The following EEA1 variants were observed in gnomAD, a reference collection of about 807,000 sequenced individuals.
EEA1 encodes early endosome antigen 1.
Under a neutral mutation model 209.2 loss-of-function variants are expected in EEA1, and 111 were observed. The ratio of observed to expected loss-of-function variants is 0.53; its 90% confidence interval spans 0.45 to 0.62. The LOEUF is 0.62. Ranked by LOEUF, EEA1 falls within the 20% of genes least tolerant of loss-of-function variation. EEA1 has a pLI of 0.00. For synonymous variants in EEA1, 536 were observed against 540.6 expected (o/e 0.99, Z 0.12); for missense variants, 1,343 against 1,530.8 (o/e 0.88, Z 2.05).
At chr12:92,908,438 T>C (rs1024796320) in intron 1 of EEA1, among the ~76,000 whole-genome samples, 24 of 152,276 alleles carry the variant, frequency 1.6e-4, no homozygotes, top group African/African-American at 4.8e-4. Context: ...ATGGTAAAAA[T>C]TGTATCTTTT....
At position 92,819,490 on chromosome 12, in the gene EEA1, G is replaced by A. The variant is rs1358148492; in HGVS notation, c.1546C>T (p.Arg516Cys). The change falls in exon 14 of 29, where the codon CGT becomes TGT. Residue 516 changes from arginine to cysteine, a missense_variant. Coordinates refer to ENST00000322349, the MANE Select transcript of EEA1 (RefSeq NM_003566.4). ...EAQNDLEQVL[R>C]QIGDKDQKIQ... ...TTTTGGTCCTTATCGCCAATTTGAC[G>A]TAGAACTTGTTCCAAATCATTCTGT... The A allele has an allele frequency of 6.2e-6, 10 of 1,602,832 alleles. No individual in the cohort carries two copies. The highest frequency in any genetic ancestry group is 7.7e-6 in the Non-Finnish European group (9 of 1,175,462).
chr12:92,821,854 T>G (rs1031888532), intron 13 of EEA1, among the ~76,000 whole-genome samples: 1 of 149,870 alleles, frequency 6.7e-6, no homozygotes, highest in African/African-American at 2.4e-5. Context: ...TATAATTAAT[T>G]AGAACCATGT....
At position 92,852,210 on chromosome 12, in the gene EEA1, C is replaced by T; in HGVS notation, c.607G>A (p.Glu203Lys). 3 of 1,592,578 alleles carry T rather than the reference C, an allele frequency of 1.9e-6. No individual in the cohort carries two copies. The highest frequency in any genetic ancestry group is 2.3e-5 in the South Asian group (2 of 86,952). ...TTCAGATCTTGAATTACAGTTGCCTCTTTGTTTAATTCTTCTGTCAGACGT... is the reference window on the plus strand; with the variant it reads ...TTCAGATCTTGAATTACAGTTGCCTTTTTGTTTAATTCTTCTGTCAGACGT... ...VTRLTEELNKEATVIQDLKTE... is the reference protein window; with the variant it reads ...VTRLTEELNKKATVIQDLKTE... The change falls in exon 8 of 29, where the codon GAG (glutamate) becomes AAG (lysine). Residue 203 changes from glutamate (E) to lysine (K), a missense_variant. Around this residue, in one of 3 missense-constraint regions of EEA1, gnomAD observed 1,307 missense variants for 1,465.5 expected, o/e 0.89. Coordinates refer to ENST00000322349, the MANE Select transcript of EEA1 (RefSeq NM_003566.4).
chr12:92,794,672 A>G (rs1312233139), intron 21 of EEA1, among the ~76,000 whole-genome samples: 2 of 149,824 alleles, frequency 1.3e-5, no homozygotes, highest in Non-Finnish European at 3.0e-5. Flanking sequence ...ATAGGTGGAA[A>G]GTGAACAATG....
chr12:92,826,223 C>T lies in EEA1; in HGVS notation c.1467G>A (p.Gln489=). Residue 489 remains glutamine, a synonymous_variant, in exon 13 of 29, where the codon CAG becomes CAA. Coordinates refer to ENST00000322349, the MANE Select transcript of EEA1 (RefSeq NM_003566.4). The part of the protein sequence containing the change: ...LQHQLDKTKQ[Q]HQEQQALQQS... ...GCTGAAGAGCCTGTTGTTCTTGATG[C>T]TGTTGCTTTGTTTTATCTAATTGAT... 1 of 1,613,500 alleles carries T rather than the reference C, an allele frequency of 6.2e-7. No homozygotes were observed. The highest frequency in any genetic ancestry group is 8.5e-7 in the Non-Finnish European group (1 of 1,179,612).
chr12:92,925,159 A>T (rs1881161913), intron 1 of EEA1, among the ~76,000 whole-genome samples: 1 of 146,534 alleles, frequency 6.8e-6, no homozygotes, highest in Non-Finnish European at 1.5e-5. Context: ...CACAGCACAC[A>T]GTTGGCCCAC....
chr12:92,856,341 C>T (rs529908400), intron 5 of EEA1, among the ~76,000 whole-genome samples: 12 of 152,184 alleles, frequency 7.9e-5, no homozygotes, highest in African/African-American at 2.9e-4. Context: ...ATACACTAAA[C>T]TATATAGAAT....
In EEA1 at chr12:92,851,202, A is replaced by C. The variant is rs1251004142; in HGVS notation, c.707T>G (p.Leu236Arg). 6.2e-7 allele frequency: 1 copy of C among 1,613,978 alleles called. No homozygotes were observed. Among genetic ancestry groups the C allele is most frequent in the Non-Finnish European group, 8.5e-7 (1 of 1,179,912 alleles). Residue 236 changes from leucine (L) to arginine (R), a missense_variant, in exon 9 of 29, where the codon CTA (leucine) becomes CGA (arginine). By Grantham distance (102) the Leu-to-Arg change is moderately radical. This residue lies in a region of EEA1 where 1,307 missense variants were observed against 1,465.5 expected (regional missense o/e 0.89). Transcript: ENST00000322349. ...ACGTTCCAAGGTCATGTTATCCATTAGTGTTTGAACTTGGACCAGTTCTTT... is the reference window on the plus strand; with the variant it reads ...ACGTTCCAAGGTCATGTTATCCATTCGTGTTTGAACTTGGACCAGTTCTTT... ...LKKELVQVQT[L>R]MDNMTLERER...
At chr12:92,860,615 G>A (rs1878103291) in intron 3 of EEA1, among the ~76,000 whole-genome samples, 2 of 152,082 alleles carry the variant, frequency 1.3e-5, no homozygotes, top group South Asian at 2.1e-4. Context: ...AGGCCAAGGT[G>A]TCCTACAGAA....
chr12:92,801,626 T>G lies in EEA1; in HGVS notation c.2746A>C (p.Lys916Gln). ...TCCTTCTCTTTTTCAAGTGACTTTTTCAGTTCCTTCTGTTCCTTAAGTGTG... is the reference window on the plus strand; with the variant it reads ...TCCTTCTCTTTTTCAAGTGACTTTTGCAGTTCCTTCTGTTCCTTAAGTGTG... ...ENTLKEQKEL[K>Q]KSLEKEKEAS... is the part of the protein sequence containing the mutation. The change falls in exon 20 of 29, where the codon AAA (lysine) becomes CAA (glutamine). Residue 916 changes from lysine (K) to glutamine (Q), a missense_variant. Around this residue, in one of 3 missense-constraint regions of EEA1, gnomAD observed 1,307 missense variants for 1,465.5 expected, o/e 0.89. Transcript: ENST00000322349. 1 of 1,594,256 alleles carries G rather than the reference T, an allele frequency of 6.3e-7. No individual in the cohort carries two copies. Among genetic ancestry groups the G allele is most frequent in the Non-Finnish European group, 8.5e-7 (1 of 1,173,548 alleles).
At chr12:92,858,637 A>C (rs572685564) in intron 3 of EEA1, 9 of 735,040 alleles carry the variant, frequency 1.2e-5, no homozygotes, top group Non-Finnish European at 1.3e-5. Flanking sequence ...AACTCAAGTT[A>C]CTGTGCACTA....
chr12:92,809,413 C>T (rs904874618), intron 17 of EEA1, among the ~76,000 whole-genome samples: 18 of 150,566 alleles, frequency 1.2e-4, no homozygotes, highest in Non-Finnish European at 1.9e-4. Context: ...GGGCTGGGCG[C>T]GGTGGCTCAC....
At chr12:92,838,268 TTGAC>T (rs1176878080) in intron 10 of EEA1, among the ~76,000 whole-genome samples, 1 of 152,192 alleles carries the variant, frequency 6.6e-6, no homozygotes, top group Non-Finnish European at 1.5e-5. Context: ...GCTAGAGTAT[TTGAC>T]TGTACATTTC....
intron 13 of EEA1, among the ~76,000 whole-genome samples, chr12:92,821,970 T>C (rs1467023313): frequency 6.6e-6 from 1 of 150,472 alleles, no homozygotes; most frequent in African/African-American, 2.4e-5. Flanking sequence ...ACTACTCTTC[T>C]TCTGATCCAT....
chr12:92,812,290 T>C (rs570934381), intron 16 of EEA1, among the ~76,000 whole-genome samples: 3 of 151,460 alleles, frequency 2.0e-5, no homozygotes, highest in South Asian at 4.2e-4. Flanking sequence ...GATTACACCA[T>C]TGCGCTCCAA....
At position 92,922,798 on chromosome 12, in the gene EEA1, C is replaced by CAA. The variant is rs930705857; in HGVS notation, c.24+6243_24+6244dup. 5.4e-4 allele frequency among the ~76,000 whole-genome samples: 79 copies of CAA among 147,310 alleles called. 1 individual carries two copies. Among genetic ancestry groups the CAA allele is most frequent in the African/African-American group, 2.0e-3 (79 of 40,262 alleles). Reference sequence around the variant, plus strand: ...TGAAACCCCATCTCTACTAAAAATACAAAAAAAAAATTAGCTGGGAGTGGT... The same window carrying CAA: ...TGAAACCCCATCTCTACTAAAAATACAAAAAAAAAAAATTAGCTGGGAGTGGT... On this transcript the variant is annotated intron_variant, in intron 1 of 28. Transcript: ENST00000322349.
At chr12:92,847,083 G>T (rs745965174) in intron 9 of EEA1, among the ~76,000 whole-genome samples, 10 of 152,078 alleles carry the variant, frequency 6.6e-5, no homozygotes, top group Non-Finnish European at 1.3e-4. Flanking sequence ...CTCCCAAGTA[G>T]CTGGGATTAC....
chr12:92,884,646 A>G lies in EEA1; in HGVS notation c.117+6983T>C, dbSNP rs558797854. 1,519 of 1,311,518 alleles carry G rather than the reference A, an allele frequency of 1.2e-3. 31 individuals carry two copies. The South Asian group carries it at 0.017, about 15-fold the overall frequency. 81.2% of individuals were successfully genotyped at this position (1,311,518 alleles called of 1,614,324 possible). A position where few individuals can be genotyped will look rare whatever the true frequency, so the allele number is the denominator to read the frequency against. On this transcript the variant is annotated intron_variant, in intron 2 of 28. Coordinates refer to ENST00000322349, the MANE Select transcript of EEA1 (RefSeq NM_003566.4). ...CAATACTTTGCCAAACCATGAAACCAAGGTGGCTATGGTGGTTCCAGTAGC... is the reference window on the plus strand; with the variant it reads ...CAATACTTTGCCAAACCATGAAACCGAGGTGGCTATGGTGGTTCCAGTAGC...
In EEA1 at chr12:92,851,178, C is replaced by T. The variant is rs557361655; in HGVS notation, c.731G>A (p.Arg244His). 12 of 1,613,922 alleles carry T rather than the reference C, an allele frequency of 7.4e-6. No homozygotes were observed. Among genetic ancestry groups the T allele is most frequent in the East Asian group, 2.2e-5 (1 of 44,824 alleles). The change falls in exon 9 of 29, where the codon CGT (arginine) becomes CAT (histidine). Residue 244 changes from arginine (R) to histidine (H), a missense_variant. This residue lies in a region of EEA1 where 1,307 missense variants were observed against 1,465.5 expected (regional missense o/e 0.89). Transcript: ENST00000322349. ...QTLMDNMTLERERESEKLKDE... is the reference protein window; with the variant it reads ...QTLMDNMTLEHERESEKLKDE... ...TTTGAGTTTTTCAGATTCTCGCTCA[C>T]GTTCCAAGGTCATGTTATCCATTAG... is the stretch of plus-strand genomic sequence containing the variant.
Sources: gnomAD v4.1 joint callset for allele counts (sites outside exome capture counted in the v4.1 genomes callset) on GRCh38, gnomAD v4.1.1 for gene constraint, gnomAD v4.1.1 regional missense constraint, MANE v1.5 for transcripts, NCBI Gene and HGNC (gene_info 2026-07-23, HGNC 2026-07-21) for gene names.